Variants in SCFD2 observed in about 807,000 individuals in gnomAD.
SCFD2 encodes the protein sec1 family domain-containing protein 2.
SCFD2 carries 54 observed loss-of-function variants against 58.9 expected under a neutral mutation model. That is an observed-to-expected ratio of 0.92 (90% CI 0.74 to 1.15). The LOEUF is 1.15. Among genes scored for constraint, SCFD2 ranks in the 50% most tolerant of loss-of-function variants. The pLI is 0.00. For missense variants in SCFD2, 805 were observed against 836.6 expected (o/e 0.96, Z 0.47); for synonymous variants, 321 against 335.9 (o/e 0.96, Z 0.49).
intron 5 of SCFD2, among the ~76,000 whole-genome samples, chr4:52,969,379 C>T (rs1470719165): frequency 1.3e-5 from 2 of 152,150 alleles, no homozygotes; most frequent in East Asian, 3.8e-4. Context: ...TTGCTCTTGG[C>T]CCAAATATCC....
At chr4:53,009,687 C>G (rs1326886592) in intron 5 of SCFD2, among the ~76,000 whole-genome samples, 1 of 152,196 alleles carries the variant, frequency 6.6e-6, no homozygotes, top group African/African-American at 2.4e-5. Context: ...ACCTCCATTT[C>G]TACAGACTGA....
intron 7 of SCFD2, among the ~76,000 whole-genome samples, chr4:52,902,579 C>T (rs926813768): frequency 6.6e-6 from 1 of 152,188 alleles, no homozygotes; most frequent in Non-Finnish European, 1.5e-5. Flanking sequence ...TTCAAGGTGG[C>T]TCTTTTCAGA....
chr4:53,089,386 G>T (rs1381433339), intron 5 of SCFD2, among the ~76,000 whole-genome samples: 1 of 151,964 alleles, frequency 6.6e-6, no homozygotes, highest in Non-Finnish European at 1.5e-5. Flanking sequence ...TTCTAATTTT[G>T]ATGAAGTCCA....
At chr4:53,271,015 G>C (rs1415271279) in intron 4 of SCFD2, among the ~76,000 whole-genome samples, 2 of 152,084 alleles carry the variant, frequency 1.3e-5, no homozygotes, top group African/African-American at 4.8e-5. Context: ...AGGCTCATAA[G>C]CCATCATTAA....
intron 3 of SCFD2, among the ~76,000 whole-genome samples, chr4:53,293,191 T>C (rs1413002119): frequency 6.6e-6 from 1 of 151,882 alleles, no homozygotes; most frequent in Non-Finnish European, 1.5e-5. Context: ...TCCTCAGCAA[T>C]CTAATGCAGG....
chr4:53,158,941 A>T (rs1386321232), intron 4 of SCFD2, among the ~76,000 whole-genome samples: 1 of 152,116 alleles, frequency 6.6e-6, no homozygotes, highest in Non-Finnish European at 1.5e-5. Context: ...ACCTTCCCTA[A>T]ATGGGTTAAA....
chr4:52,944,426 C>T (rs1022418996), intron 5 of SCFD2, among the ~76,000 whole-genome samples: 4 of 152,004 alleles, frequency 2.6e-5, no homozygotes, highest in Non-Finnish European at 5.9e-5. Context: ...AGAACCATGA[C>T]AAGTAGGGTT....
chr4:53,338,909 G>C (rs1020591837), intron 2 of SCFD2, among the ~76,000 whole-genome samples: 2 of 151,998 alleles, frequency 1.3e-5, no homozygotes, highest in African/African-American at 4.8e-5. Context: ...AGTGCTGAAA[G>C]AGAAAAAACT....
intron 4 of SCFD2, among the ~76,000 whole-genome samples, chr4:53,160,574 G>A (rs1242401444): frequency 6.6e-6 from 1 of 152,158 alleles, no homozygotes; most frequent in Admixed American, 6.5e-5. Context: ...CAGAATTGGT[G>A]TAAAATGTAA....
intron 2 of SCFD2, among the ~76,000 whole-genome samples, chr4:53,330,618 C>T (rs1733417004): frequency 6.6e-6 from 1 of 151,976 alleles, no homozygotes; most frequent in Non-Finnish European, 1.5e-5. Flanking sequence ...AAAGGAACAA[C>T]CAGTACCAGC....
chr4:52,950,875 T>TA (rs1399547197), intron 5 of SCFD2: 1 of 151,994 alleles, frequency 6.6e-6, no homozygotes, highest in Admixed American at 6.5e-5. Flanking sequence ...CGGGAACAGA[T>TA]ACCAGCTCCT....
At chr4:53,332,401 G>C (rs1405923545) in intron 2 of SCFD2, among the ~76,000 whole-genome samples, 4 of 151,458 alleles carry the variant, frequency 2.6e-5, no homozygotes, top group African/African-American at 4.8e-5. Flanking sequence ...TATCCACCAT[G>C]ATCAAGTGGG....
chr4:53,339,536 G>A (rs1283951093), intron 2 of SCFD2, among the ~76,000 whole-genome samples: 16 of 152,110 alleles, frequency 1.1e-4, no homozygotes, highest in African/African-American at 3.4e-4. Context: ...TTGGGAGGCC[G>A]AGGCGGGCAG....
At chr4:53,344,755 T>C (rs1734003301) in intron 2 of SCFD2, among the ~76,000 whole-genome samples, 1 of 152,048 alleles carries the variant, frequency 6.6e-6, no homozygotes, top group South Asian at 2.1e-4. Context: ...AACAGATATA[T>C]AGACCAATGG....
intron 5 of SCFD2, among the ~76,000 whole-genome samples, chr4:53,114,563 G>C (rs1433723836): frequency 6.6e-6 from 1 of 152,052 alleles, no homozygotes; most frequent in East Asian, 1.9e-4. Context: ...GAACCTCTTG[G>C]AGTCCAGAAG....
At chr4:52,928,577 A>G (rs1719915056) in intron 5 of SCFD2, among the ~76,000 whole-genome samples, 1 of 152,184 alleles carries the variant, frequency 6.6e-6, no homozygotes, top group Non-Finnish European at 1.5e-5. Context: ...TCCTTCTTGA[A>G]GTCCTCCCAG....
chr4:53,254,739 G>A (rs915145104), intron 4 of SCFD2, among the ~76,000 whole-genome samples: 5 of 151,544 alleles, frequency 3.3e-5, no homozygotes, highest in African/African-American at 9.7e-5. Flanking sequence ...CTGGCCATGG[G>A]GCTACTGAGC....
At chr4:53,227,184 T>A (rs1374606044) in intron 4 of SCFD2, among the ~76,000 whole-genome samples, 3 of 152,144 alleles carry the variant, frequency 2.0e-5, no homozygotes, top group African/African-American at 7.2e-5. Context: ...CTATCACCAC[T>A]CTACAATTTT....
chr4:53,342,942 G>A (rs2149149790), intron 2 of SCFD2, among the ~76,000 whole-genome samples: 1 of 152,258 alleles, frequency 6.6e-6, no homozygotes. Flanking sequence ...CAGAATCTCT[G>A]GGACACATTT....
Sources: allele counts gnomAD v4.1 joint callset (sites outside exome capture counted in the v4.1 genomes callset), GRCh38; gene constraint gnomAD v4.1.1; transcripts MANE v1.5; gene names NCBI Gene and HGNC (gene_info 2026-07-23, HGNC 2026-07-21).